SGMS1: variants seen among roughly 807,000 people sequenced by gnomAD.
The protein encoded by SGMS1 is phosphatidylcholine:ceramide cholinephosphotransferase 1.
SGMS1 carries 13 observed loss-of-function variants against 46.2 expected under a neutral mutation model. The observed-to-expected ratio is 0.28, with a 90% confidence interval of 0.18 to 0.45. The LOEUF is 0.45. SGMS1 is among the 20% of genes least tolerant of loss of function. The pLI, the probability that SGMS1 is intolerant of heterozygous loss-of-function variation, is 1.00. For synonymous variants in SGMS1, 203 were observed against 187.8 expected, an observed-to-expected ratio of 1.08 and a Z score of -0.66; for missense variants, 324 against 519.9, an observed-to-expected ratio of 0.62 and a Z score of 3.66.
rs984798211 is a variant in SGMS1, at chr10:50,306,139, A to G, written c.*1003T>C. The G allele has an allele frequency of 6.5e-6, 1 of 152,744 alleles. No individual in the cohort carries two copies. The highest frequency in any genetic ancestry group is 1.5e-5 in the Non-Finnish European group (1 of 67,998). 9.5% of individuals were successfully genotyped at this position (152,744 alleles called of 1,614,324 possible). A position where few individuals can be genotyped will look rare whatever the true frequency, so the allele number is the denominator to read the frequency against. ...ATTGAGTAGTTAAAATTGAACTACC[A>G]AATCGACGATAAAATAATTTAAGTG... On this transcript the variant is annotated 3_prime_UTR_variant, in exon 11 of 11. Transcript: ENST00000361781.
At chr10:50,542,330 T>C (rs1199809272) in intron 2 of SGMS1, among the ~76,000 whole-genome samples, 1 of 152,162 alleles carries the variant, frequency 6.6e-6, no homozygotes, top group Non-Finnish European at 1.5e-5. Flanking sequence ...TACACACATA[T>C]GTGTTTACAG....
At chr10:50,308,440 T>C (rs531537789) in intron 9 of SGMS1, among the ~76,000 whole-genome samples, 1 of 152,298 alleles carries the variant, frequency 6.6e-6, no homozygotes, top group East Asian at 1.9e-4. Context: ...GGTTAATGCA[T>C]CATGTTTCGT....
intron 5 of SGMS1, among the ~76,000 whole-genome samples, chr10:50,458,927 A>G (rs1199834903): frequency 6.6e-6 from 1 of 152,182 alleles, no homozygotes; most frequent in Non-Finnish European, 1.5e-5. Context: ...ATATCCTTCT[A>G]TATAGTGCAA....
At chr10:50,379,483 A>G (rs558824926) in intron 6 of SGMS1, among the ~76,000 whole-genome samples, 5 of 152,274 alleles carry the variant, frequency 3.3e-5, no homozygotes, top group Admixed American at 2.0e-4. Flanking sequence ...AGCATAAAAC[A>G]TCTAGAAACA....
chr10:50,401,313 T>G (rs59310089), intron 6 of SGMS1, among the ~76,000 whole-genome samples: 4,110 of 152,294 alleles, frequency 0.027, 193 homozygotes, highest in African/African-American at 0.095. Context: ...TCTTTAAAAA[T>G]AACACATTTG....
intron 1 of SGMS1, among the ~76,000 whole-genome samples, chr10:50,622,080 A>C (rs1838856893): frequency 6.6e-6 from 1 of 152,248 alleles, no homozygotes; most frequent in Admixed American, 6.5e-5. Flanking sequence ...GACAGCAGGC[A>C]CAGGCTGCTG....
At chr10:50,409,683 T>C (rs1849070349) in intron 6 of SGMS1, among the ~76,000 whole-genome samples, 1 of 152,158 alleles carries the variant, frequency 6.6e-6, no homozygotes, top group African/African-American at 2.4e-5. Context: ...TGCTAAATAT[T>C]AGCAATAGAT....
At chr10:50,596,807 AC>A (rs1478981574) in intron 1 of SGMS1, among the ~76,000 whole-genome samples, 3 of 152,298 alleles carry the variant, frequency 2.0e-5, no homozygotes, top group Middle Eastern at 3.4e-3. Context: ...TCACTCAACA[AC>A]CCTGAGAGAA....
chr10:50,411,725 T>C (rs1436276598), intron 6 of SGMS1, among the ~76,000 whole-genome samples: 1 of 152,182 alleles, frequency 6.6e-6, no homozygotes, highest in African/African-American at 2.4e-5. Flanking sequence ...TTGGTTTGAG[T>C]ATCAAACTCT....
At chr10:50,413,957 G>A (rs1267366772) in intron 6 of SGMS1, among the ~76,000 whole-genome samples, 1 of 152,132 alleles carries the variant, frequency 6.6e-6, no homozygotes, top group Non-Finnish European at 1.5e-5. Flanking sequence ...TAAATATAAA[G>A]TATCATTTCT....
At chr10:50,423,984 C>T (rs1288356275) in intron 6 of SGMS1, among the ~76,000 whole-genome samples, 1 of 152,174 alleles carries the variant, frequency 6.6e-6, no homozygotes, top group African/African-American at 2.4e-5. Context: ...TACAACACTG[C>T]AAGGCAGATA....
intron 3 of SGMS1, among the ~76,000 whole-genome samples, chr10:50,511,346 G>A (rs1247167865): frequency 6.6e-6 from 1 of 151,036 alleles, no homozygotes; most frequent in Non-Finnish European, 1.5e-5. Flanking sequence ...ACACAATCTG[G>A]TTAAGACAGT....
chr10:50,474,861 C>A (rs909627628), intron 3 of SGMS1, among the ~76,000 whole-genome samples: 2 of 152,148 alleles, frequency 1.3e-5, no homozygotes, highest in Non-Finnish European at 2.9e-5. Flanking sequence ...ATTTTCAATA[C>A]TGCACTTTGG....
chr10:50,398,867 T>G (rs963520792), intron 6 of SGMS1, among the ~76,000 whole-genome samples: 1 of 152,122 alleles, frequency 6.6e-6, no homozygotes, highest in African/African-American at 2.4e-5. Flanking sequence ...AGGAGTTGTA[T>G]ATAGGCCAAA....
intron 2 of SGMS1, among the ~76,000 whole-genome samples, chr10:50,584,498 C>CAAT (rs757448886): frequency 1.4e-5 from 1 of 69,558 alleles, no homozygotes; most frequent in Non-Finnish European, 2.8e-5. Context: ...GACTCCATCT[C>CAAT]AAAAAAAAAA....
chr10:50,371,795 T>A (rs1183236348), intron 6 of SGMS1, among the ~76,000 whole-genome samples: 1 of 152,200 alleles, frequency 6.6e-6, no homozygotes, highest in Non-Finnish European at 1.5e-5. Flanking sequence ...GGGACTGGCA[T>A]CTAGTGAGGG....
intron 6 of SGMS1, among the ~76,000 whole-genome samples, chr10:50,421,275 CT>C (rs1454433104): frequency 6.6e-6 from 1 of 152,192 alleles, no homozygotes; most frequent in Non-Finnish European, 1.5e-5. Flanking sequence ...TGGTCCACTC[CT>C]TGTTCCCCTA....
chr10:50,343,434 AG>A, intron 7 of SGMS1, 57 bp downstream of exon 7: 12 of 1,464,978 alleles, frequency 8.2e-6, no homozygotes, highest in Non-Finnish European at 1.1e-5. Flanking sequence ...AATAATAAGT[AG>A]ATGTTTGGAG....
At chr10:50,388,001 C>G (rs1386401670) in intron 6 of SGMS1, among the ~76,000 whole-genome samples, 2 of 152,176 alleles carry the variant, frequency 1.3e-5, no homozygotes, top group East Asian at 3.8e-4. Flanking sequence ...CATTTAGGTA[C>G]AGTTCACTAT....
Sources: allele counts gnomAD v4.1 joint callset (sites outside exome capture counted in the v4.1 genomes callset), GRCh38; gene constraint gnomAD v4.1.1; transcripts MANE v1.5; gene names NCBI Gene and HGNC (gene_info 2026-07-23, HGNC 2026-07-21).